AGBL4: variants seen among roughly 807,000 people sequenced by gnomAD.
The protein encoded by AGBL4 is AGBL carboxypeptidase 4.
Under a neutral mutation model 66.4 loss-of-function variants are expected in AGBL4, and 58 were observed. That is an observed-to-expected ratio of 0.87 (90% confidence interval 0.71 to 1.09). AGBL4 has a LOEUF of 1.09. AGBL4 is among the 50% of genes least tolerant of loss of function. The pLI is 0.00. For synonymous variants in AGBL4, 234 were observed against 222.9 expected (o/e 1.05, Z -0.44); for missense variants, 579 against 631.0 (o/e 0.92, Z 0.88).
At chr1:49,006,623 C>T (rs1423717847) in intron 5 of AGBL4, among the ~76,000 whole-genome samples, 2 of 151,904 alleles carry the variant, frequency 1.3e-5, no homozygotes, top group Non-Finnish European at 2.9e-5. Flanking sequence ...ACTTAAATGT[C>T]CCTGTCTGAC....
intron 3 of AGBL4, among the ~76,000 whole-genome samples, chr1:49,289,309 A>C (rs1164560999): frequency 6.6e-6 from 1 of 152,232 alleles, no homozygotes; most frequent in Non-Finnish European, 1.5e-5. Context: ...ATGCTGGCAT[A>C]CTATGCAGTA....
At chr1:48,700,493 T>C (rs1646784593) in intron 6 of AGBL4, among the ~76,000 whole-genome samples, 1 of 152,176 alleles carries the variant, frequency 6.6e-6, no homozygotes, top group South Asian at 2.1e-4. Context: ...GAAATTAGCC[T>C]CAACATTCAG....
At chr1:49,566,317 G>A (rs1026620954) in intron 3 of AGBL4, among the ~76,000 whole-genome samples, 5 of 152,086 alleles carry the variant, frequency 3.3e-5, no homozygotes, top group South Asian at 4.1e-4. Flanking sequence ...GTTACACTCC[G>A]TCCAGCTTTG....
intron 12 of AGBL4, 73 bp downstream of exon 12, chr1:48,539,569 C>T: frequency 8.1e-7 from 1 of 1,235,816 alleles, no homozygotes; most frequent in Non-Finnish European, 1.1e-6. Flanking sequence ...CAGCAAAAGG[C>T]TAAGGGAAGT....
intron 1 of AGBL4, among the ~76,000 whole-genome samples, chr1:50,000,411 C>A (rs1436719332): frequency 1.3e-5 from 2 of 151,956 alleles, no homozygotes; most frequent in African/African-American, 2.4e-5. Context: ...ATCTAAAAAT[C>A]AAAAAATAAT....
chr1:48,889,917 A>G (rs1650761872), intron 5 of AGBL4, among the ~76,000 whole-genome samples: 1 of 152,108 alleles, frequency 6.6e-6, no homozygotes, highest in Non-Finnish European at 1.5e-5. Context: ...AACTTCTGAG[A>G]ACAACATGAG....
chr1:49,546,336 C>T (rs1298220217), intron 3 of AGBL4, among the ~76,000 whole-genome samples: 1 of 149,834 alleles, frequency 6.7e-6, no homozygotes, highest in Non-Finnish European at 1.5e-5. Flanking sequence ...TATATATTTA[C>T]ATATGTATAT....
chr1:49,509,620 T>G (rs1386175521), intron 3 of AGBL4, among the ~76,000 whole-genome samples: 5 of 151,878 alleles, frequency 3.3e-5, no homozygotes. Context: ...TAGGGAGTCA[T>G]TGGAGGTTTC....
At chr1:49,355,678 C>T (rs1409069974) in intron 3 of AGBL4, among the ~76,000 whole-genome samples, 2 of 152,178 alleles carry the variant, frequency 1.3e-5, no homozygotes, top group South Asian at 2.1e-4. Context: ...TTCTCTGACC[C>T]ATTCAATTCA....
chr1:48,554,010 G>T (rs1644286048), intron 11 of AGBL4, among the ~76,000 whole-genome samples: 1 of 152,178 alleles, frequency 6.6e-6, no homozygotes, highest in Admixed American at 6.5e-5. Context: ...GAACAGTGCA[G>T]CAAAGAAGAT....
At chr1:49,627,222 T>C (rs1026151846) in intron 3 of AGBL4, among the ~76,000 whole-genome samples, 6 of 152,152 alleles carry the variant, frequency 3.9e-5, no homozygotes, top group African/African-American at 1.4e-4. Context: ...AAGACCATAG[T>C]GTCATCAGCA....
chr1:49,744,175 T>G (rs1317628443), intron 2 of AGBL4, among the ~76,000 whole-genome samples: 1 of 152,160 alleles, frequency 6.6e-6, no homozygotes, highest in Non-Finnish European at 1.5e-5. Flanking sequence ...TTGGAGGTGG[T>G]TGGATCATGA....
chr1:48,825,338 C>T (rs1402554794), intron 6 of AGBL4, among the ~76,000 whole-genome samples: 3 of 152,150 alleles, frequency 2.0e-5, no homozygotes, highest in Non-Finnish European at 4.4e-5. Context: ...CTGAACTGTC[C>T]TGATGGTATC....
At chr1:49,719,772 C>G (rs1648449868) in intron 2 of AGBL4, among the ~76,000 whole-genome samples, 1 of 152,008 alleles carries the variant, frequency 6.6e-6, no homozygotes, top group Non-Finnish European at 1.5e-5. Flanking sequence ...GGTAATTTAA[C>G]CATGGAGATG....
intron 6 of AGBL4, among the ~76,000 whole-genome samples, chr1:48,811,723 G>A (rs1184804023): frequency 6.6e-6 from 1 of 152,084 alleles, no homozygotes; most frequent in Non-Finnish European, 1.5e-5. Flanking sequence ...GTTTCTGTGA[G>A]GTCCAACCCT....
At chr1:48,707,036 G>A (rs1336054722) in intron 6 of AGBL4, among the ~76,000 whole-genome samples, 1 of 152,236 alleles carries the variant, frequency 6.6e-6, no homozygotes, top group East Asian at 1.9e-4. Flanking sequence ...GCCCATGCCT[G>A]TAATCCCAGC....
intron 1 of AGBL4, among the ~76,000 whole-genome samples, chr1:49,903,159 A>G (rs910667366): frequency 6.6e-6 from 1 of 152,332 alleles, no homozygotes; most frequent in Admixed American, 6.5e-5. Context: ...AATACTACCT[A>G]GCCATAAAAA....
chr1:49,404,586 C>A (rs1054621804), intron 3 of AGBL4, among the ~76,000 whole-genome samples: 2 of 152,138 alleles, frequency 1.3e-5, no homozygotes, highest in African/African-American at 4.8e-5. Flanking sequence ...ACTATATGAT[C>A]CTTGAGGGTA....
At chr1:49,780,999 T>C (rs1447005531) in intron 2 of AGBL4, among the ~76,000 whole-genome samples, 18 of 152,128 alleles carry the variant, frequency 1.2e-4, no homozygotes. Flanking sequence ...GATTCAAAGA[T>C]ACAAATTGAT....
Sources: allele counts gnomAD v4.1 joint callset (sites outside exome capture counted in the v4.1 genomes callset), GRCh38; gene constraint gnomAD v4.1.1; transcripts MANE v1.5; gene names NCBI Gene and HGNC (gene_info 2026-07-23, HGNC 2026-07-21).